Variants in SHISA3 observed in about 807,000 individuals in gnomAD.
SHISA3 encodes protein shisa-3 homolog.
In SHISA3, 15 loss-of-function variants were observed where a neutral mutation model predicts 19.2. The ratio of observed to expected loss-of-function variants is 0.78; its 90% CI spans 0.52 to 1.20. The LOEUF (loss-of-function observed/expected upper bound fraction) is 1.20, where lower values mean the gene tolerates loss of function less well. Ranked by LOEUF, SHISA3 falls within the 50% of genes most tolerant of loss-of-function variation. The probability of loss-of-function intolerance (pLI) is 0.00; values close to 1 mark genes in which losing one functional copy is unlikely to be tolerated. For missense variants in SHISA3, 327 were observed against 315.7 expected (o/e 1.04, Z -0.27); for synonymous variants, 145 against 135.2 (o/e 1.07, Z -0.50).
Position 42,398,248 on chromosome 4 carries a change from C to T in SHISA3, c.192C>T (p.Tyr64=). 6.3e-7 allele frequency: 1 copy of T among 1,577,034 alleles called. No homozygotes were observed. Among genetic ancestry groups the T allele is most frequent in the Non-Finnish European group, 8.6e-7 (1 of 1,161,830 alleles). ...TICCGSCALR[Y]CCAAADARLE... Reference sequence around the variant, plus strand: ...GCTGCGGCTCCTGCGCGCTCCGCTACTGTTGCGCCGCGGCCGACGCCAGGC... The same window carrying T: ...GCTGCGGCTCCTGCGCGCTCCGCTATTGTTGCGCCGCGGCCGACGCCAGGC... Residue 64 remains tyrosine (Y), a synonymous_variant, in exon 1 of 2, where the codon TAC becomes TAT. Coordinates refer to ENST00000319234, the MANE Select transcript of SHISA3 (RefSeq NM_001080505.3).
intron 1 of SHISA3, among the ~76,000 whole-genome samples, chr4:42,399,997 C>G (rs1711860640): frequency 6.6e-6 from 1 of 152,322 alleles, no homozygotes; most frequent in African/African-American, 2.4e-5. Flanking sequence ...GATGTATTTC[C>G]ACATCTGGAA....
intron 1 of SHISA3, among the ~76,000 whole-genome samples, chr4:42,399,705 T>C (rs1200262628): frequency 6.6e-6 from 1 of 152,244 alleles, no homozygotes. Context: ...GCGGTGTAAC[T>C]TGGGCAAGTT....
Position 42,398,206 on chromosome 4 carries a change from G to T in SHISA3, c.150G>T (p.Thr50=). The T allele has an allele frequency of 6.2e-7, 1 of 1,601,916 alleles. No individual in the cohort carries two copies. The highest frequency in any genetic ancestry group is 1.7e-4 in the Middle Eastern group (1 of 6,038). Reference sequence around the variant, plus strand: ...TCCAGTGCCCAGAGGACTTCGACACGCTGGACGCTACCATCTGCTGCGGCT... The same window carrying T: ...TCCAGTGCCCAGAGGACTTCGACACTCTGGACGCTACCATCTGCTGCGGCT... The part of the protein sequence containing the change: ...EGFQCPEDFD[T]LDATICCGSC... The change falls in exon 1 of 2, where the codon ACG becomes ACT. Residue 50 remains threonine, a synonymous_variant. Coordinates refer to ENST00000319234, the MANE Select transcript of SHISA3 (RefSeq NM_001080505.3).
At position 42,401,438 on chromosome 4, in the gene SHISA3, T is replaced by A; in HGVS notation, c.704T>A (p.Phe235Tyr). The A allele has an allele frequency of 6.4e-7, 1 of 1,574,712 alleles. No homozygotes were observed. The highest frequency in any genetic ancestry group is 8.6e-7 in the Non-Finnish European group (1 of 1,161,554). The change falls in exon 2 of 2, where the codon TTC becomes TAC. Residue 235 changes from phenylalanine (F) to tyrosine (Y), a missense_variant. By Grantham distance (22) the Phe-to-Tyr change is conservative. Transcript: ENST00000319234. ...CTGCCTGGGAAGAGCTGTCCAGACT[T>A]CAGTTCCAGTTGACACGCCCAGGCC... ...PPLPGKSCPD[F>Y]SSS
chr4:42,397,555 C>T lies in SHISA3; in HGVS notation c.-502C>T, dbSNP rs1299777611. 6.6e-6 allele frequency among the ~76,000 whole-genome samples: 1 copy of T among 152,204 alleles called. No homozygotes were observed. Among genetic ancestry groups the T allele is most frequent in the African/African-American group, 2.4e-5 (1 of 41,466 alleles). On this transcript the variant is annotated 5_prime_UTR_variant, in exon 1 of 2. Coordinates refer to ENST00000319234, the MANE Select transcript of SHISA3 (RefSeq NM_001080505.3). ...CTCCTGCTCCTGTGACAGATAGGGG[C>T]TGGGGCTGAGCGGCCGCCTGTCTGG...
In SHISA3 at chr4:42,401,337, A is replaced by T. The variant is rs781554097; in HGVS notation, c.603A>T (p.Ser201=). The T allele has an allele frequency of 6.2e-6, 10 of 1,614,022 alleles. No homozygotes were observed. The South Asian group carries it at 9.9e-5, about 16-fold the overall frequency. ...SPPPPYTTSH[S]IHLAQPSGFL... ...CCCCGCCATACACCACCAGCCACTC[A>T]ATCCACCTGGCTCAGCCATCTGGTT... Residue 201 remains serine, a synonymous_variant, in exon 2 of 2, where the codon TCA becomes TCT. Transcript: ENST00000319234.
rs961646613 is a variant in SHISA3 at position 42,401,018 on chromosome 4, T to C, written c.284T>C (p.Val95Ala). The C allele has an allele frequency of 1.2e-6, 2 of 1,614,010 alleles. No individual in the cohort carries two copies. Among genetic ancestry groups the C allele is most frequent in the Non-Finnish European group, 1.7e-6 (2 of 1,179,856 alleles). The change falls in exon 2 of 2, where the codon GTC (valine) becomes GCC (alanine). Residue 95 changes from valine to alanine, a missense_variant. Physicochemically the swap from Val to Ala is moderately conservative, Grantham distance 64. Transcript: ENST00000319234. ...GTCTGTTTTTGCCTTTTAGAGCCTG[T>C]CTACGTCCCCTTTCTCATCGTCGGC... ...LEHPGITAQP[V>A]YVPFLIVGSI...
chr4:42,397,884 CCT>C lies in SHISA3; in HGVS notation c.-172_-171del. The C allele has an allele frequency of 1.7e-6, 1 of 584,122 alleles. No individual in the cohort carries two copies. Among genetic ancestry groups the C allele is most frequent in the Non-Finnish European group, 2.9e-6 (1 of 346,272 alleles). The allele number at this position is 584,122 out of a possible 1,614,324, so 36.2% of individuals were successfully genotyped here. On this transcript the variant is annotated 5_prime_UTR_variant, in exon 1 of 2. Coordinates refer to ENST00000319234, the MANE Select transcript of SHISA3 (RefSeq NM_001080505.3). ...GGCCTGCGGAACTCGTAGTGCAGCCCCTGTCGCCTCCCCGGCCCCTGCTATCC... is the reference window on the plus strand; with the variant it reads ...GGCCTGCGGAACTCGTAGTGCAGCCCGTCGCCTCCCCGGCCCCTGCTATCC...
Position 42,398,115 on chromosome 4 carries a change from G to A in SHISA3, c.59G>A (p.Gly20Asp), listed in dbSNP as rs1410109509. The A allele has an allele frequency of 1.2e-6, 2 of 1,602,264 alleles. No homozygotes were observed. The highest frequency in any genetic ancestry group is 2.3e-5 in the East Asian group (1 of 44,218). ...LLGWLRWGPA[G>D]AQQSGEYCHG... ...GGCTGGCTGCGCTGGGGCCCGGCGG[G>A]CGCCCAGCAGTCCGGAGAGTACTGC... Residue 20 changes from glycine (G) to aspartate (D), a missense_variant, in exon 1 of 2, where the codon GGC (glycine) becomes GAC (aspartate). Gly to Asp is a moderately conservative substitution (Grantham distance 94, BLOSUM62 -1). Coordinates refer to ENST00000319234, the MANE Select transcript of SHISA3 (RefSeq NM_001080505.3).
Position 42,401,183 on chromosome 4 carries a change from T to G in SHISA3, c.449T>G (p.Leu150Arg). The change falls in exon 2 of 2, where the codon CTG becomes CGG. Residue 150 changes from leucine to arginine, a missense_variant. Physicochemically the swap from Leu to Arg is moderately radical, Grantham distance 102. Coordinates refer to ENST00000319234, the MANE Select transcript of SHISA3 (RefSeq NM_001080505.3). Reference sequence around the variant, plus strand: ...CAGACAGAGACCCTGCCCATGATCCTGACCTCCACCAGCCCCAGGGCACCC... The same window carrying G: ...CAGACAGAGACCCTGCCCATGATCCGGACCTCCACCAGCCCCAGGGCACCC... Reference protein sequence around the residue: ...SYQTETLPMILTSTSPRAPSR... With the variant: ...SYQTETLPMIRTSTSPRAPSR... 6.2e-7 allele frequency: 1 copy of G among 1,614,238 alleles called. No homozygotes were observed.
At position 42,397,993 on chromosome 4, in the gene SHISA3, C is replaced by T. The variant is rs1215105774; in HGVS notation, c.-64C>T. On this transcript the variant is annotated 5_prime_UTR_variant, in exon 1 of 2. Coordinates refer to ENST00000319234, the MANE Select transcript of SHISA3 (RefSeq NM_001080505.3). The stretch of plus-strand genomic sequence containing the variant: ...GGCGGAATCGCTGTGCGCCCTGAGC[C>T]CGGGCTCAGCCCTTCGCTTTCCAGC... 7.0e-7 allele frequency: 1 copy of T among 1,422,076 alleles called. No individual in the cohort carries two copies. The highest frequency in any genetic ancestry group is 9.2e-7 in the Non-Finnish European group (1 of 1,081,730). 88.1% of individuals were successfully genotyped at this position (1,422,076 alleles called of 1,614,324 possible). A position where few individuals can be genotyped will look rare whatever the true frequency, so the allele number is the denominator to read the frequency against.
At position 42,398,244 on chromosome 4, in the gene SHISA3, G is replaced by C. The variant is rs745873239; in HGVS notation, c.188G>C (p.Arg63Pro). The change falls in exon 1 of 2, where the codon CGC (arginine) becomes CCC (proline). Residue 63 changes from arginine to proline, a missense_variant. Coordinates refer to ENST00000319234, the MANE Select transcript of SHISA3 (RefSeq NM_001080505.3). ...ATCTGCTGCGGCTCCTGCGCGCTCC[G>C]CTACTGTTGCGCCGCGGCCGACGCC... ...ATICCGSCAL[R>P]YCCAAADARL... 16 of 1,578,180 alleles carry C rather than the reference G, an allele frequency of 1.0e-5. No individual in the cohort carries two copies. The highest frequency in any genetic ancestry group is 3.4e-6 in the Non-Finnish European group (4 of 1,162,530).
Position 42,397,633 on chromosome 4 carries a change from G to A in SHISA3, c.-424G>A, listed in dbSNP as rs1711771098. The stretch of plus-strand genomic sequence containing the variant: ...TTTCCTCCGGCTCCTCTCGGGACCC[G>A]GCGATCGCCACAGGTTGGGACTCTG... On this transcript the variant is annotated 5_prime_UTR_variant, in exon 1 of 2. Coordinates refer to ENST00000319234, the MANE Select transcript of SHISA3 (RefSeq NM_001080505.3). 6.6e-6 allele frequency among the ~76,000 whole-genome samples: 1 copy of A among 152,134 alleles called. No homozygotes were observed. Among genetic ancestry groups the A allele is most frequent in the Admixed American group, 6.5e-5 (1 of 15,278 alleles).
Position 42,398,037 on chromosome 4 carries a change from G to A in SHISA3, c.-20G>A. 1.3e-6 allele frequency: 2 copies of A among 1,537,684 alleles called. No individual in the cohort carries two copies. The highest frequency in any genetic ancestry group is 1.4e-5 in the African/African-American group (1 of 72,472). ...TTCCAGCTGCGTCCTGCTCCCGGCCGCCCAGGGAGCCCAGTGGCGATGAGG... is the reference window on the plus strand; with the variant it reads ...TTCCAGCTGCGTCCTGCTCCCGGCCACCCAGGGAGCCCAGTGGCGATGAGG... On this transcript the variant is annotated 5_prime_UTR_variant, in exon 1 of 2. Coordinates refer to ENST00000319234, the MANE Select transcript of SHISA3 (RefSeq NM_001080505.3).
Position 42,397,494 on chromosome 4 carries a change from C to T in SHISA3, c.-563C>T, listed in dbSNP as rs575270594. ...CCTTGCGGGCAGAGCTGTCAGCAAC[C>T]CCGCGGCCGTTTGTACTTGGCCGCG... On this transcript the variant is annotated 5_prime_UTR_variant, in exon 1 of 2. Coordinates refer to ENST00000319234, the MANE Select transcript of SHISA3 (RefSeq NM_001080505.3). Among the ~76,000 whole-genome samples the T allele has an allele frequency of 6.6e-6, 1 of 152,362 alleles. No homozygotes were observed. Among genetic ancestry groups the T allele is most frequent in the East Asian group, 1.9e-4 (1 of 5,174 alleles).
intron 1 of SHISA3, 123 bp downstream of exon 1, chr4:42,398,456 G>A (rs1711813423): frequency 9.1e-7 from 1 of 1,103,916 alleles, no homozygotes; most frequent in Non-Finnish European, 1.2e-6. Context: ...GCGCCAGGGG[G>A]ACGCGGCCGG....
Position 42,401,540 on chromosome 4 carries a change from C to T in SHISA3, c.*89C>T. The T allele has an allele frequency of 1.4e-6, 2 of 1,395,994 alleles. No individual in the cohort carries two copies. Among genetic ancestry groups the T allele is most frequent in the East Asian group, 2.3e-5 (1 of 43,000 alleles). The allele number at this position is 1,395,994 out of a possible 1,614,324, so 86.5% of individuals were successfully genotyped here. A position where few individuals can be genotyped will look rare whatever the true frequency, so the allele number is the denominator to read the frequency against. ...GCCACATGCAATTCTGAGAAAATTT[C>T]CCTTGTAACTGATCAGTGTCATGGA... On this transcript the variant is annotated 3_prime_UTR_variant, in exon 2 of 2. Transcript: ENST00000319234.
Position 42,397,615 on chromosome 4 carries a change from C to T in SHISA3, c.-442C>T, listed in dbSNP as rs1033123241. On this transcript the variant is annotated 5_prime_UTR_variant, in exon 1 of 2. Coordinates refer to ENST00000319234, the MANE Select transcript of SHISA3 (RefSeq NM_001080505.3). ...ACGTGGGGAACAAATTCTTTTCCTC[C>T]GGCTCCTCTCGGGACCCGGCGATCG... Among the ~76,000 whole-genome samples the T allele has an allele frequency of 1.3e-5, 2 of 152,122 alleles. No individual in the cohort carries two copies. Among genetic ancestry groups the T allele is most frequent in the Non-Finnish European group, 2.9e-5 (2 of 68,008 alleles).
Position 42,397,499 on chromosome 4 carries a change from G to A in SHISA3, c.-558G>A, listed in dbSNP as rs1172913756. On this transcript the variant is annotated 5_prime_UTR_variant, in exon 1 of 2. Coordinates refer to ENST00000319234, the MANE Select transcript of SHISA3 (RefSeq NM_001080505.3). Reference sequence around the variant, plus strand: ...CGGGCAGAGCTGTCAGCAACCCCGCGGCCGTTTGTACTTGGCCGCGGCGGA... The same window carrying A: ...CGGGCAGAGCTGTCAGCAACCCCGCAGCCGTTTGTACTTGGCCGCGGCGGA... Among the ~76,000 whole-genome samples, 2 of 152,180 alleles carry A rather than the reference G, an allele frequency of 1.3e-5. No individual in the cohort carries two copies. The highest frequency in any genetic ancestry group is 2.9e-5 in the Non-Finnish European group (2 of 68,026).
Sources: gnomAD v4.1 joint callset for allele counts (sites outside exome capture counted in the v4.1 genomes callset) on GRCh38, gnomAD v4.1.1 for gene constraint, MANE v1.5 for transcripts, NCBI Gene and HGNC (gene_info 2026-07-23, HGNC 2026-07-21) for gene names.